The following RABGAP1L variants were observed in gnomAD, a reference collection of about 807,000 sequenced individuals.
The protein encoded by RABGAP1L is RAB GTPase activating protein 1 like.
In RABGAP1L, 63 loss-of-function variants were observed where a neutral mutation model predicts 137.7. The observed-to-expected ratio is 0.46, with a 90% confidence interval of 0.37 to 0.56. The LOEUF is 0.56. Ranked by LOEUF, RABGAP1L falls within the 20% of genes least tolerant of loss-of-function variation. The pLI, the probability that RABGAP1L is intolerant of heterozygous loss-of-function variation, is 0.00. For synonymous variants in RABGAP1L, 431 were observed against 433.7 expected (o/e 0.99, Z 0.08); for missense variants, 1,095 against 1,244.0 (o/e 0.88, Z 1.80).
chr1:174,636,788 A>G (rs755564686), intron 13 of RABGAP1L, among the ~76,000 whole-genome samples: 1 of 152,192 alleles, frequency 6.6e-6, no homozygotes, highest in Admixed American at 6.5e-5. Context: ...ACATTCATCA[A>G]AATTGGAAAT....
rs144215575 is a variant in RABGAP1L at position 174,940,246 on chromosome 1, TTTTG to T, written c.2341-17195_2341-17192del. On this transcript the variant is annotated intron_variant, in intron 19 of 25. Coordinates refer to ENST00000681986, the MANE Select transcript of RABGAP1L (RefSeq NM_001366446.1). The stretch of plus-strand genomic sequence containing the variant: ...GTCCTTTCAATTGCTACCTTTCTCC[TTTTG>T]TTTGTTTGTTTGTTTCTTTTTTTTT... Among the ~76,000 whole-genome samples, 822 of 151,958 alleles carry T rather than the reference TTTTG, an allele frequency of 5.4e-3. 9 individuals carry two copies. Among genetic ancestry groups the T allele is most frequent in the African/African-American group, 0.018 (729 of 41,464 alleles).
At chr1:174,668,681 A>G (rs1676959522) in intron 14 of RABGAP1L, among the ~76,000 whole-genome samples, 1 of 152,170 alleles carries the variant, frequency 6.6e-6, no homozygotes, top group African/African-American at 2.4e-5. Context: ...TTTGAGGAAC[A>G]TTCATACTGT....
chr1:174,175,916 T>G (rs1665811207), intron 1 of RABGAP1L, among the ~76,000 whole-genome samples: 1 of 152,184 alleles, frequency 6.6e-6, no homozygotes. Context: ...TGAGCCACCG[T>G]GCCCAGCCAG....
intron 10 of RABGAP1L, among the ~76,000 whole-genome samples, chr1:174,284,417 A>G (rs1675870332): frequency 6.6e-6 from 1 of 152,158 alleles, no homozygotes; most frequent in Admixed American, 6.5e-5. Context: ...CAAATGGCAG[A>G]ATTTTCTTCT....
At chr1:174,384,696 C>T (rs976963489) in intron 12 of RABGAP1L, among the ~76,000 whole-genome samples, 1 of 151,964 alleles carries the variant, frequency 6.6e-6, no homozygotes, top group Non-Finnish European at 1.5e-5. Flanking sequence ...TCTTCTTATC[C>T]TGCAAAGTTA....
intron 13 of RABGAP1L, among the ~76,000 whole-genome samples, chr1:174,489,732 A>G (rs1660039327): frequency 6.6e-6 from 1 of 152,198 alleles, no homozygotes; most frequent in Non-Finnish European, 1.5e-5. Context: ...GTGCACACGT[A>G]TGTTTATTGC....
chr1:174,901,666 C>A (rs1658158512), intron 19 of RABGAP1L, among the ~76,000 whole-genome samples: 1 of 152,182 alleles, frequency 6.6e-6, no homozygotes, highest in African/African-American at 2.4e-5. Flanking sequence ...CTGAAGCCTA[C>A]TTCTGTCATT....
At chr1:174,598,449 A>C (rs1042233374) in intron 13 of RABGAP1L, among the ~76,000 whole-genome samples, 1 of 152,040 alleles carries the variant, frequency 6.6e-6, no homozygotes, top group Admixed American at 6.6e-5. Context: ...TGCTAAGTCC[A>C]ATTTTTTTGT....
chr1:174,912,818 G>A (rs1014949604), intron 19 of RABGAP1L, among the ~76,000 whole-genome samples: 3 of 152,048 alleles, frequency 2.0e-5, no homozygotes, highest in African/African-American at 4.8e-5. Context: ...CCATCATCAT[G>A]TGATATACTC....
At chr1:174,249,342 TAGCCCCTG>T (rs1192009526) in intron 5 of RABGAP1L, among the ~76,000 whole-genome samples, 1 of 152,180 alleles carries the variant, frequency 6.6e-6, no homozygotes, top group Admixed American at 6.5e-5. Context: ...GTTCTGTATC[TAGCCCCTG>T]AGGCTGAGGG....
chr1:174,198,784 A>AGG (rs1172024578), intron 1 of RABGAP1L, among the ~76,000 whole-genome samples: 1 of 152,164 alleles, frequency 6.6e-6, no homozygotes, highest in Non-Finnish European at 1.5e-5. Context: ...TTGGCTTGTG[A>AGG]GGCGCCCCCT....
chr1:174,618,002 G>C (rs763905506), intron 13 of RABGAP1L, among the ~76,000 whole-genome samples: 1 of 152,160 alleles, frequency 6.6e-6, no homozygotes, highest in African/African-American at 2.4e-5. Context: ...TATAGCCCGC[G>C]CCTGGCTTGG....
chr1:174,961,270 GT>G lies in RABGAP1L; in HGVS notation c.2433+3723del, dbSNP rs1324550731. Among the ~76,000 whole-genome samples, 4 of 152,116 alleles carry G rather than the reference GT, an allele frequency of 2.6e-5. No individual in the cohort carries two copies. In the East Asian group the frequency reaches 7.7e-4, roughly 29 times the overall value. On this transcript the variant is annotated intron_variant, in intron 20 of 25. Coordinates refer to ENST00000681986, the MANE Select transcript of RABGAP1L (RefSeq NM_001366446.1). ...TAAGCATGTTTTCATTTTTATACAG[GT>G]TCCCAGAAGACACACATTTATCAAT...
At chr1:174,576,233 G>A (rs892168113) in intron 13 of RABGAP1L, among the ~76,000 whole-genome samples, 1 of 152,144 alleles carries the variant, frequency 6.6e-6, no homozygotes, top group Non-Finnish European at 1.5e-5. Context: ...TAACCCTAAA[G>A]AGGCCTAGAA....
intron 5 of RABGAP1L, among the ~76,000 whole-genome samples, chr1:174,243,892 CT>C (rs1408815237): frequency 2.6e-5 from 4 of 152,168 alleles, no homozygotes; most frequent in Non-Finnish European, 5.9e-5. Context: ...TCAGTAACAA[CT>C]TTCCTGTTGC....
intron 19 of RABGAP1L, among the ~76,000 whole-genome samples, chr1:174,871,548 T>C (rs555300430): frequency 2.0e-5 from 3 of 152,304 alleles, no homozygotes; most frequent in African/African-American, 7.2e-5. Flanking sequence ...AAACTGCCAG[T>C]ATATAACATA....
intron 13 of RABGAP1L, among the ~76,000 whole-genome samples, chr1:174,613,365 T>C (rs1258289354): frequency 2.0e-5 from 3 of 152,304 alleles, no homozygotes; most frequent in South Asian, 2.1e-4. Flanking sequence ...AGTTGAGTGA[T>C]TTTGAGTGAG....
At chr1:174,812,960 T>A (rs369765456) in intron 19 of RABGAP1L, among the ~76,000 whole-genome samples, 1 of 152,112 alleles carries the variant, frequency 6.6e-6, no homozygotes, top group East Asian at 1.9e-4. Flanking sequence ...GGAAGGCCAG[T>A]GCAGCTGGAG....
intron 19 of RABGAP1L, among the ~76,000 whole-genome samples, chr1:174,912,953 T>A (rs1660284853): frequency 1.3e-5 from 2 of 152,088 alleles, no homozygotes; most frequent in Non-Finnish European, 2.9e-5. Context: ...CCAGCATAGT[T>A]TACTGTCTAC....
Sources: gnomAD v4.1 joint callset for allele counts (sites outside exome capture counted in the v4.1 genomes callset) on GRCh38, gnomAD v4.1.1 for gene constraint, MANE v1.5 for transcripts, NCBI Gene and HGNC (gene_info 2026-07-23, HGNC 2026-07-21) for gene names.